The following RBFOX1 variants were observed in gnomAD, a reference collection of about 807,000 sequenced individuals.
The protein encoded by RBFOX1 is RNA binding fox-1 homolog 1.
In RBFOX1, 8 loss-of-function variants were observed where a neutral mutation model predicts 57.7. That is an observed-to-expected ratio of 0.14 (90% CI 0.08 to 0.25). The LOEUF is 0.25. Ranked by LOEUF, RBFOX1 falls within the 10% of genes least tolerant of loss-of-function variation. The pLI is 1.00. For missense variants in RBFOX1, 611 were observed against 548.5 expected (o/e 1.11, Z -1.14); for synonymous variants, 326 against 222.4 (o/e 1.47, Z -4.15).
intron 4 of RBFOX1, among the ~76,000 whole-genome samples, chr16:7,215,552 C>G (rs1441996892): frequency 1.3e-5 from 2 of 152,162 alleles, no homozygotes; most frequent in South Asian, 4.1e-4. Flanking sequence ...GTGTACAGTT[C>G]AATGTTTTGT....
At chr16:7,087,841 AGAT>A (rs753179238) in intron 4 of RBFOX1, among the ~76,000 whole-genome samples, 9 of 152,100 alleles carry the variant, frequency 5.9e-5, no homozygotes, top group Non-Finnish European at 1.2e-4. Flanking sequence ...TTCTCTTTCA[AGAT>A]GATGATGTAT....
Position 5,252,338 on chromosome 16 carries a change from A to C in RBFOX1, c.219+12233A>C, listed in dbSNP as rs542571559. On this transcript the variant is annotated intron_variant, in intron 1 of 2. Coordinates refer to the RBFOX1 transcript ENST00000585867. ...TCATTAACCATTTCTTTGGGGGGCA[A>C]GTATATCCCATGCAATATTTGGGAC... 3.9e-5 allele frequency among the ~76,000 whole-genome samples: 6 copies of C among 152,328 alleles called. 1 individual carries two copies. The South Asian group carries it at 1.2e-3, about 32-fold the overall frequency.
In RBFOX1 at chr16:6,317,129, G is replaced by A. The variant is rs2081208375; in HGVS notation, c.-64+72G>A. The A allele has an allele frequency of 2.2e-6, 3 of 1,383,852 alleles. No individual in the cohort carries two copies. The Admixed American group carries it at 6.1e-5, about 28-fold the overall frequency. The allele number at this position is 1,383,852 out of a possible 1,614,324, so 85.7% of individuals were successfully genotyped here. ...TCTTTGATCCTGTTCTCTCTGAAAA[G>A]CTCTTTTCTGCAGGTTTGAAGTTGT... On this transcript the variant is annotated intron_variant, in intron 2 of 15. Coordinates refer to ENST00000550418, the MANE Select transcript of RBFOX1 (RefSeq NM_018723.4).
At chr16:6,630,608 C>A (rs563943330) in intron 2 of RBFOX1, among the ~76,000 whole-genome samples, 6 of 152,144 alleles carry the variant, frequency 3.9e-5, no homozygotes, top group Non-Finnish European at 7.3e-5. Flanking sequence ...AGTCTCCTTG[C>A]TAGTAGGAAT....
intron 3 of RBFOX1, among the ~76,000 whole-genome samples, chr16:7,040,474 T>C: frequency 6.6e-6 from 1 of 152,132 alleles, no homozygotes; most frequent in East Asian, 1.9e-4. Flanking sequence ...AGTATGAATT[T>C]ATAAAACTGA....
rs371039351 is a variant in RBFOX1 at position 6,118,780 on chromosome 16, C to T, written c.-127+98788C>T. ...TTCTCTCTTTCTCCCTCTCTTTCTC[C>T]CTCTCTTTCTCTCTCTCCTTCCTTC... On this transcript the variant is annotated intron_variant, in intron 1 of 15. Transcript: ENST00000550418. Among the ~76,000 whole-genome samples the T allele has an allele frequency of 7.5e-3, 1,111 of 147,558 alleles. 11 individuals carry two copies. The highest frequency in any genetic ancestry group is 0.026 in the African/African-American group (1,023 of 39,494).
At chr16:7,593,100 C>T (rs2094526569) in intron 7 of RBFOX1, among the ~76,000 whole-genome samples, 1 of 151,954 alleles carries the variant, frequency 6.6e-6, no homozygotes, top group African/African-American at 2.4e-5. Flanking sequence ...CAGGTGTGAG[C>T]CACCATGCCT....
At chr16:7,708,821 C>CTT (rs1568607654) in intron 14 of RBFOX1, among the ~76,000 whole-genome samples, 4 of 7,236 alleles carry the variant, frequency 5.5e-4, no homozygotes, top group African/African-American at 7.3e-4. Flanking sequence ...TATGTAAGTA[C>CTT]GTGTGTATAT....
intron 3 of RBFOX1, among the ~76,000 whole-genome samples, chr16:6,690,674 G>A (rs559971879): frequency 6.6e-6 from 1 of 151,794 alleles, no homozygotes; most frequent in Non-Finnish European, 1.5e-5. Flanking sequence ...GTCGATTATA[G>A]TACAGTAGGA....
At chr16:6,907,912 C>G (rs1041069265) in intron 3 of RBFOX1, among the ~76,000 whole-genome samples, 1 of 151,582 alleles carries the variant, frequency 6.6e-6, no homozygotes, top group African/African-American at 2.4e-5. Context: ...GTGCTCCTTG[C>G]TTGTAGATAT....
chr16:5,477,248 T>C (rs2069359519), intron 2 of RBFOX1, among the ~76,000 whole-genome samples: 1 of 152,094 alleles, frequency 6.6e-6, no homozygotes, highest in Non-Finnish European at 1.5e-5. Context: ...TTTTGGTGCC[T>C]GTATTTTTTT....
intron 4 of RBFOX1, among the ~76,000 whole-genome samples, chr16:7,267,581 A>C (rs1268458740): frequency 1.3e-5 from 2 of 151,514 alleles, no homozygotes; most frequent in African/African-American, 4.9e-5. Context: ...GAAGCCGAGC[A>C]CGATGGCTCA....
intron 13 of RBFOX1, among the ~76,000 whole-genome samples, chr16:7,666,744 A>G (rs1039812551): frequency 6.6e-5 from 10 of 152,236 alleles, no homozygotes; most frequent in African/African-American, 1.9e-4. Context: ...AGAAGGAAAT[A>G]TGCCAACCAC....
At chr16:5,902,196 C>A (rs978650984) in intron 4 of RBFOX1, among the ~76,000 whole-genome samples, 1 of 152,130 alleles carries the variant, frequency 6.6e-6, no homozygotes, top group Non-Finnish European at 1.5e-5. Context: ...CTCACCCTTA[C>A]AACAGACCCA....
chr16:7,586,068 TCAAAA>T (rs1010590881), intron 6 of RBFOX1, among the ~76,000 whole-genome samples: 1 of 152,120 alleles, frequency 6.6e-6, no homozygotes, highest in Non-Finnish European at 1.5e-5. Context: ...ATAGGAAAGC[TCAAAA>T]CAAAACAAAA....
In RBFOX1 at chr16:7,000,596, C is replaced by CTTTTTTTTTTTT. The variant is rs759103545; in HGVS notation, c.-15-51451_-15-51440dup. Among the ~76,000 whole-genome samples the CTTTTTTTTTTTT allele has an allele frequency of 8.2e-4, 76 of 92,600 alleles. 3 individuals are homozygous for CTTTTTTTTTTTT. The highest frequency in any genetic ancestry group is 1.6e-3 in the East Asian group (4 of 2,522). The allele number at this position is 92,600 out of a possible 152,430, so 60.7% of individuals were successfully genotyped here. ...TTTCTTTTTTTCTTTCTTTTTCTTT[C>CTTTTTTTTTTTT]TTTTTTTTTTTTTTTTTTTTTGAGA... On this transcript the variant is annotated intron_variant, in intron 3 of 15. Transcript: ENST00000550418.
intron 3 of RBFOX1, among the ~76,000 whole-genome samples, chr16:6,979,971 G>T (rs904976658): frequency 6.6e-6 from 1 of 152,096 alleles, no homozygotes; most frequent in Non-Finnish European, 1.5e-5. Context: ...TTTCCTGTTG[G>T]AGTGGGTACC....
chr16:7,090,227 A>T (rs2060600742), intron 4 of RBFOX1, among the ~76,000 whole-genome samples: 1 of 152,216 alleles, frequency 6.6e-6, no homozygotes, highest in African/African-American at 2.4e-5. Flanking sequence ...ACAAGGAGAG[A>T]CAATAAAATA....
At chr16:6,172,597 TG>T (rs1274074355) in intron 1 of RBFOX1, among the ~76,000 whole-genome samples, 3 of 152,162 alleles carry the variant, frequency 2.0e-5, no homozygotes, top group Non-Finnish European at 2.9e-5. Flanking sequence ...GCCTCAGTGG[TG>T]GACTTCCTGA....
Sources: gnomAD v4.1 joint callset for allele counts (sites outside exome capture counted in the v4.1 genomes callset) on GRCh38, gnomAD v4.1.1 for gene constraint, MANE v1.5 for transcripts, NCBI Gene and HGNC (gene_info 2026-07-23, HGNC 2026-07-21) for gene names.